CRLF2: variants seen among roughly 807,000 people sequenced by gnomAD.
The protein encoded by CRLF2 is cytokine receptor like factor 2, also known as cytokine receptor-like factor 2.
In CRLF2, 41 loss-of-function variants were observed where a neutral mutation model predicts 38.7. The ratio of observed to expected loss-of-function variants is 1.06; its 90% CI spans 0.83 to 1.37. The LOEUF (loss-of-function observed/expected upper bound fraction) is 1.37, where lower values mean the gene tolerates loss of function less well. Among genes scored for constraint, CRLF2 ranks in the 40% most tolerant of loss-of-function variants. The pLI is 0.00. For missense variants in CRLF2, 377 were observed against 322.2 expected (o/e 1.17, Z -1.30); for synonymous variants, 140 against 128.8 (o/e 1.09, Z -0.59).
chrX:1,191,932 G>A (rs1391312287), intron 7 of CRLF2, among the ~76,000 whole-genome samples: 4 of 151,696 alleles, frequency 2.6e-5, no homozygotes, highest in Non-Finnish European at 4.4e-5. Context: ...CCAGCCGGCC[G>A]CAGTGGCTTA....
At chrX:1,192,867 G>A (rs2086418195) in intron 7 of CRLF2, among the ~76,000 whole-genome samples, 1 of 147,426 alleles carries the variant, frequency 6.8e-6, no homozygotes, top group Non-Finnish European at 1.5e-5. Flanking sequence ...AGGCTGGAGT[G>A]CAGTGGTACA....
In CRLF2 at chrX:1,206,511, G is replaced by C; in HGVS notation, c.271C>G (p.Arg91Gly). 1 of 1,613,520 alleles carries C rather than the reference G, an allele frequency of 6.2e-7. No individual in the cohort carries two copies. The highest frequency in any genetic ancestry group is 8.5e-7 in the Non-Finnish European group (1 of 1,179,526). The change falls in exon 3 of 8, where the codon CGA becomes GGA. Residue 91 changes from arginine (R) to glycine (G), a missense_variant. Arg to Gly is a moderately radical substitution (Grantham distance 125, BLOSUM62 -2). Coordinates refer to ENST00000400841, the MANE Select transcript of CRLF2 (RefSeq NM_022148.4). The part of the protein sequence containing the change: ...TSGCLLDAEQ[R>G]DDILYFSIRN... The stretch of plus-strand genomic sequence containing the variant: ...ATGGAGAAATAGAGAATGTCGTCTC[G>C]CTGCTCTGCGTCTAGGAGGCACCCC...
chrX:1,202,817 C>A (rs1463718900), intron 3 of CRLF2, among the ~76,000 whole-genome samples: 3 of 151,978 alleles, frequency 2.0e-5, no homozygotes, highest in African/African-American at 7.2e-5. Context: ...GTTAAAATCC[C>A]AACTCCCCAG....
intron 2 of CRLF2, among the ~76,000 whole-genome samples, chrX:1,207,810 C>A (rs192410967): frequency 1.3e-5 from 2 of 148,620 alleles, no homozygotes; most frequent in African/African-American, 5.0e-5. Context: ...CCGCCACGCC[C>A]GGCTAGTTTT....
At chrX:1,207,502 C>A (rs1210210362) in intron 2 of CRLF2, among the ~76,000 whole-genome samples, 3 of 4,006 alleles carry the variant, frequency 7.5e-4, no homozygotes, top group African/African-American at 5.5e-3. Context: ...AGGTGATCCA[C>A]CCCCCCCCCC....
In CRLF2 at chrX:1,193,305, G is replaced by C; in HGVS notation, c.768-3C>G. 1 of 398,714 alleles carries C rather than the reference G, an allele frequency of 2.5e-6. No homozygotes were observed. The highest frequency in any genetic ancestry group is 4.4e-6 in the Non-Finnish European group (1 of 226,272). The allele number at this position is 398,714 out of a possible 1,614,324, so 24.7% of individuals were successfully genotyped here. On this transcript the variant is annotated splice_polypyrimidine_tract_variant and splice_region_variant and intron_variant, in intron 6 of 7. Transcript: ENST00000400841. The stretch of plus-strand genomic sequence containing the variant: ...TGGGAATGAGAAACTTCTTCACTCT[G>C]AAATAGAGACGGAGAGCGTGGTCAG...
At chrX:1,209,302 T>C (rs1366394149) in intron 1 of CRLF2, among the ~76,000 whole-genome samples, 4 of 134,838 alleles carry the variant, frequency 3.0e-5, no homozygotes, top group African/African-American at 1.3e-4. Flanking sequence ...TATTGTAGTG[T>C]AGTGTAGTGT....
intron 3 of CRLF2, among the ~76,000 whole-genome samples, chrX:1,205,579 G>C (rs776220308): frequency 6.6e-6 from 1 of 152,122 alleles, no homozygotes; most frequent in African/African-American, 2.4e-5. Context: ...AAAGCATGTT[G>C]AGCTTGCTTT....
At position 1,196,860 on chromosome X, in the gene CRLF2, C is replaced by T. The variant is rs1392186192; in HGVS notation, c.687G>A (p.Leu229=). ...GGCTGGAAATTAAAATAAATTTGGACAGCTTTGGTTTGGGAGGCGTTGGTG... is the reference window on the plus strand; with the variant it reads ...GGCTGGAAATTAAAATAAATTTGGATAGCTTTGGTTTGGGAGGCGTTGGTG... ...AETPTPPKPK[L]SKFILISSLA... Residue 229 remains leucine (L), a synonymous_variant, in exon 6 of 8, where the codon CTG becomes CTA. Coordinates refer to ENST00000400841, the MANE Select transcript of CRLF2 (RefSeq NM_022148.4). 1 of 1,613,598 alleles carries T rather than the reference C, an allele frequency of 6.2e-7. No individual in the cohort carries two copies. The highest frequency in any genetic ancestry group is 2.2e-5 in the East Asian group (1 of 44,880).
rs1312072770 is a variant in CRLF2 at position 1,208,980 on chromosome X, C to A, written c.80-72G>T. 1.2e-5 allele frequency: 11 copies of A among 924,684 alleles called. No individual in the cohort carries two copies. In the South Asian group the frequency reaches 1.5e-4, roughly 13 times the overall value. 57.3% of individuals were successfully genotyped at this position (924,684 alleles called of 1,614,324 possible). On this transcript the variant is annotated intron_variant, in intron 1 of 7. Coordinates refer to ENST00000400841, the MANE Select transcript of CRLF2 (RefSeq NM_022148.4). ...TTTTTATTTTTTTAAATTTATTTTT[C>A]TTTTTGAGACAGAGTCTCACTCTGT...
chrX:1,202,140 T>TGATA (rs1207078996), intron 4 of CRLF2, among the ~76,000 whole-genome samples: 56 of 151,532 alleles, frequency 3.7e-4, no homozygotes, highest in African/African-American at 1.3e-3. Flanking sequence ...ATAGATAGAT[T>TGATA]GATAGATAGA....
At chrX:1,199,571 G>T (rs1369449533) in intron 4 of CRLF2, among the ~76,000 whole-genome samples, 1 of 152,052 alleles carries the variant, frequency 6.6e-6, no homozygotes, top group Non-Finnish European at 1.5e-5. Flanking sequence ...AAAGTGCTGG[G>T]ATTAAAGGTG....
chrX:1,207,169 C>G (rs1457836767), intron 2 of CRLF2, among the ~76,000 whole-genome samples: 5 of 152,134 alleles, frequency 3.3e-5, no homozygotes, highest in Non-Finnish European at 7.4e-5. Flanking sequence ...TGGTCTCGAT[C>G]TCCTGACCTC....
At chrX:1,209,426 G>C (rs1408697755) in intron 1 of CRLF2, among the ~76,000 whole-genome samples, 1 of 151,408 alleles carries the variant, frequency 6.6e-6, no homozygotes, top group African/African-American at 2.4e-5. Context: ...CCGCCTCCCG[G>C]GTTCACGCCA....
intron 1 of CRLF2, among the ~76,000 whole-genome samples, chrX:1,209,294 T>TTGTAG (rs774118469): frequency 0.16 from 22,491 of 142,352 alleles, 1,962 homozygotes; most frequent in South Asian, 0.18. Context: ...TTGCATTGTA[T>TTGTAG]TGTAGTGTAG....
intron 7 of CRLF2, among the ~76,000 whole-genome samples, chrX:1,192,645 CT>C (rs1252567962): frequency 0.015 from 2,235 of 150,876 alleles, 60 homozygotes; most frequent in African/African-American, 0.051. Context: ...TCTTCCTTTT[CT>C]TTTTTTCTTT....
chrX:1,192,745 TTTCTTTCTTTCTTTCTTTCTTTCC>T (rs1238996920), intron 7 of CRLF2, among the ~76,000 whole-genome samples: 18 of 132,162 alleles, frequency 1.4e-4, no homozygotes, highest in Non-Finnish European at 2.0e-4. Flanking sequence ...TCTTTCTTTC[TTTCTTTCTTTCTTTCTTTCTTTCC>T]TTCCTTCCTC....
At chrX:1,201,310 GTGTGTGCC>G (rs1355401695) in intron 4 of CRLF2, among the ~76,000 whole-genome samples, 11 of 145,588 alleles carry the variant, frequency 7.6e-5, no homozygotes, top group Non-Finnish European at 1.5e-4. Context: ...GTGCATGTCT[GTGTGTGCC>G]TGTGTGCCTG....
chrX:1,196,335 A>ACC, intron 6 of CRLF2, among the ~76,000 whole-genome samples: 1 of 150,800 alleles, frequency 6.6e-6, no homozygotes, highest in Non-Finnish European at 1.5e-5. Context: ...TTACAGGTGC[A>ACC]CGCCACCACA....
Sources: allele counts gnomAD v4.1 joint callset (sites outside exome capture counted in the v4.1 genomes callset), GRCh38; gene constraint gnomAD v4.1.1; transcripts MANE v1.5; gene names NCBI Gene and HGNC (gene_info 2026-07-23, HGNC 2026-07-21).